Variants in PLXNA4 observed in about 807,000 individuals in gnomAD.
PLXNA4 encodes plexin-A4.
PLXNA4 carries 44 observed loss-of-function variants against 191.8 expected under a neutral mutation model. That is an observed-to-expected ratio of 0.23 (90% CI 0.18 to 0.29). The LOEUF is 0.29. PLXNA4 is among the 10% of genes least tolerant of loss of function. The probability of loss-of-function intolerance (pLI) is 1.00; values close to 1 mark genes in which losing one functional copy is unlikely to be tolerated. For missense variants in PLXNA4, 1,800 were observed against 2,488.8 expected, an observed-to-expected ratio of 0.72 and a Z score of 5.89; for synonymous variants, 1,082 against 1,009.5, an observed-to-expected ratio of 1.07 and a Z score of -1.36.
At position 132,449,617 on chromosome 7, in the gene PLXNA4, TCTGTCACACATGACTGCCA is replaced by T. The variant is rs529706488; in HGVS notation, c.1371+39656_1371+39674del. On this transcript the variant is annotated intron_variant, in intron 3 of 31. Transcript: ENST00000321063. ...TAGAAACCTGTCCTTTTCTGGATCC[TCTGTCACACATGACTGCCA>T]CTGTCACACATGACTGCCACCATTG... Among the ~76,000 whole-genome samples the T allele has an allele frequency of 5.3e-3, 812 of 152,326 alleles. 6 individuals are homozygous for T. The highest frequency in any genetic ancestry group is 0.02 in the South Asian group (95 of 4,826).
chr7:132,585,762 CAG>C (rs1212451245), intron 2 of PLXNA4, among the ~76,000 whole-genome samples: 4 of 152,102 alleles, frequency 2.6e-5, no homozygotes, highest in Non-Finnish European at 4.4e-5. Flanking sequence ...TTCAATCAGA[CAG>C]AGATCTCAAG....
intron 2 of PLXNA4, among the ~76,000 whole-genome samples, chr7:132,609,392 C>T (rs1252986554): frequency 1.3e-5 from 2 of 152,098 alleles, no homozygotes; most frequent in Admixed American, 6.6e-5. Context: ...AAAGCCTCAT[C>T]CTTCTTTCAC....
At chr7:132,271,480 C>A (rs1400880447) in intron 4 of PLXNA4, among the ~76,000 whole-genome samples, 1 of 151,638 alleles carries the variant, frequency 6.6e-6, no homozygotes. Context: ...CTCCCTCCAC[C>A]CCAGTGGTTA....
intron 22 of PLXNA4, 74 bp from the exon 23 acceptor site, chr7:132,165,274 G>C: frequency 3.2e-6 from 5 of 1,557,488 alleles, no homozygotes; most frequent in Non-Finnish European, 4.4e-6. Context: ...CGTGGGCTGG[G>C]AAGGGCAAGG....
At chr7:132,217,916 T>C (rs1383620515) in intron 9 of PLXNA4, among the ~76,000 whole-genome samples, 1 of 136,330 alleles carries the variant, frequency 7.3e-6, no homozygotes, top group Non-Finnish European at 1.6e-5. Context: ...TTTTTTTTTT[T>C]TTTTTTTTTT....
At chr7:132,369,222 G>C (rs551520194) in intron 3 of PLXNA4, among the ~76,000 whole-genome samples, 1 of 152,204 alleles carries the variant, frequency 6.6e-6, no homozygotes, top group African/African-American at 2.4e-5. Flanking sequence ...GGACTAAGCT[G>C]AGTGGCCTAA....
intron 1 of PLXNA4, among the ~76,000 whole-genome samples, chr7:132,537,042 A>C (rs970833708): frequency 1.3e-5 from 2 of 152,222 alleles, no homozygotes; most frequent in Non-Finnish European, 2.9e-5. Context: ...GAAGCCTTGA[A>C]GCGACAGGTT....
intron 21 of PLXNA4, among the ~76,000 whole-genome samples, chr7:132,174,324 C>A (rs891819002): frequency 1.3e-5 from 2 of 152,176 alleles, no homozygotes; most frequent in Admixed American, 6.5e-5. Context: ...CACATTTCCA[C>A]CCCACTTCCC....
In PLXNA4 at chr7:132,410,539, G is replaced by T. The variant is rs954991239; in HGVS notation, c.1371+78753C>A. Among the ~76,000 whole-genome samples, 8 of 152,190 alleles carry T rather than the reference G, an allele frequency of 5.3e-5. No homozygotes were observed. The South Asian group carries it at 8.3e-4, about 16-fold the overall frequency. On this transcript the variant is annotated intron_variant, in intron 3 of 31. Transcript: ENST00000321063. ...CAGTGAGGAGATCTGACAGGATTACGTCATGTGCTCTGTAACTGGGAGACA... is the reference window on the plus strand; with the variant it reads ...CAGTGAGGAGATCTGACAGGATTACTTCATGTGCTCTGTAACTGGGAGACA...
intron 3 of PLXNA4, among the ~76,000 whole-genome samples, chr7:132,334,232 T>G (rs558632557): frequency 1.1e-3 from 165 of 146,948 alleles, no homozygotes; most frequent in Middle Eastern, 0.011. Flanking sequence ...TCAGATTTCT[T>G]TTCTTTTCTT....
chr7:132,294,485 T>C (rs1285849795), intron 4 of PLXNA4, among the ~76,000 whole-genome samples: 1 of 152,132 alleles, frequency 6.6e-6, no homozygotes, highest in Non-Finnish European at 1.5e-5. Flanking sequence ...AATGACACTA[T>C]CTAACTCAAA....
intron 1 of PLXNA4, among the ~76,000 whole-genome samples, chr7:132,568,969 A>G (rs79308965): frequency 0.038 from 5,816 of 152,270 alleles, 261 homozygotes; most frequent in African/African-American, 0.1. Flanking sequence ...GGTAACCCTG[A>G]CATACCTTCT....
chr7:132,293,451 C>T (rs1275912048), intron 4 of PLXNA4, among the ~76,000 whole-genome samples: 2 of 152,112 alleles, frequency 1.3e-5, no homozygotes, highest in African/African-American at 4.8e-5. Flanking sequence ...TGGGGGAAAC[C>T]ACCCCCAGGA....
intron 3 of PLXNA4, among the ~76,000 whole-genome samples, chr7:132,301,294 T>C (rs184222123): frequency 1.9e-4 from 29 of 152,238 alleles, no homozygotes; most frequent in Non-Finnish European, 7.4e-5. Context: ...AATACAAAAA[T>C]TTAGGTAGAA....
Position 132,164,396 on chromosome 7 carries a change from C to A in PLXNA4, c.4354-108G>T, listed in dbSNP as rs941112847. On this transcript the variant is annotated intron_variant, in intron 23 of 31. Transcript: ENST00000321063. ...TTCCATCCCCTGCCAAGTCCCTGCA[C>A]CTGCCCCCACCTGCTTTTATACTCA... 4 of 1,449,438 alleles carry A rather than the reference C, an allele frequency of 2.8e-6. No individual in the cohort carries two copies. The African/African-American group carries it at 4.2e-5, about 15-fold the overall frequency. 89.8% of individuals were successfully genotyped at this position (1,449,438 alleles called of 1,614,324 possible).
At chr7:132,399,479 C>G (rs1793898136) in intron 3 of PLXNA4, among the ~76,000 whole-genome samples, 1 of 152,148 alleles carries the variant, frequency 6.6e-6, no homozygotes, top group South Asian at 2.1e-4. Context: ...GCAGTCAATG[C>G]AGGTGAAACA....
At chr7:132,543,370 G>A (rs537011989) in intron 1 of PLXNA4, among the ~76,000 whole-genome samples, 1 of 152,248 alleles carries the variant, frequency 6.6e-6, no homozygotes, top group East Asian at 1.9e-4. Context: ...ACCCTCGGCT[G>A]CCTCTTTAGA....
chr7:132,212,572 AAC>A (rs1396350089), intron 9 of PLXNA4, among the ~76,000 whole-genome samples: 2 of 152,196 alleles, frequency 1.3e-5, no homozygotes, highest in African/African-American at 4.8e-5. Flanking sequence ...CCAAGGCCCT[AAC>A]CATCTTAACT....
At chr7:132,218,552 G>T (rs945299640) in intron 9 of PLXNA4, among the ~76,000 whole-genome samples, 3 of 152,194 alleles carry the variant, frequency 2.0e-5, no homozygotes, top group Admixed American at 2.0e-4. Flanking sequence ...TCTTGCCAAT[G>T]GATTTGCTTT....
Sources: allele counts gnomAD v4.1 joint callset (sites outside exome capture counted in the v4.1 genomes callset), GRCh38; gene constraint gnomAD v4.1.1; transcripts MANE v1.5; gene names NCBI Gene and HGNC (gene_info 2026-07-23, HGNC 2026-07-21).